Variants in FEZ1 observed in about 807,000 individuals in gnomAD.
The protein encoded by FEZ1 is fasciculation and elongation protein zeta 1.
In FEZ1, 20 loss-of-function variants were observed where a neutral mutation model predicts 49.3. The ratio of observed to expected loss-of-function variants is 0.41; its 90% CI spans 0.29 to 0.59. FEZ1 has a LOEUF of 0.59. Among genes scored for constraint, FEZ1 ranks in the 20% least tolerant of loss-of-function variants. The pLI, the probability that FEZ1 is intolerant of heterozygous loss-of-function variation, is 0.36. For missense variants in FEZ1, 413 were observed against 476.0 expected (o/e 0.87, Z 1.23); for synonymous variants, 170 against 180.9 (o/e 0.94, Z 0.48).
chr11:125,469,793 T>C (rs1036139564), intron 3 of FEZ1, among the ~76,000 whole-genome samples: 1 of 151,394 alleles, frequency 6.6e-6, no homozygotes, highest in Admixed American at 6.6e-5. Context: ...GCCAGGCTGG[T>C]ATTGAAAATT....
chr11:125,449,503 T>C (rs1211448993), intron 8 of FEZ1, among the ~76,000 whole-genome samples: 1 of 144,484 alleles, frequency 6.9e-6, no homozygotes. Flanking sequence ...TAGTTATCAG[T>C]GAAGAAAGGT....
At chr11:125,488,418 C>T (rs1341748461) in intron 2 of FEZ1, among the ~76,000 whole-genome samples, 6 of 152,214 alleles carry the variant, frequency 3.9e-5, no homozygotes, top group East Asian at 3.9e-4. Flanking sequence ...TGGTGACTCA[C>T]GCCTGTAATC....
intron 5 of FEZ1, among the ~76,000 whole-genome samples, chr11:125,458,539 G>A (rs184706969): frequency 2.6e-5 from 4 of 152,240 alleles, no homozygotes; most frequent in African/African-American, 7.2e-5. Flanking sequence ...TTTTAAATGA[G>A]AGGCTTGATT....
chr11:125,447,399 C>G (rs1956908033), intron 9 of FEZ1, among the ~76,000 whole-genome samples: 1 of 152,178 alleles, frequency 6.6e-6, no homozygotes, highest in Admixed American at 6.6e-5. Flanking sequence ...CTATATACAT[C>G]AAAGAGATGT....
In FEZ1 at chr11:125,466,361, C is replaced by T. The variant is rs147397626; in HGVS notation, c.412-2791G>A. ...CAGGCATGATGGCACACCTGTAGTCCCAACTACTCAGGAGGCTGAGGTGGG... is the reference window on the plus strand; with the variant it reads ...CAGGCATGATGGCACACCTGTAGTCTCAACTACTCAGGAGGCTGAGGTGGG... On this transcript the variant is annotated intron_variant, in intron 3 of 9. Transcript: ENST00000278919. 6.1e-3 allele frequency among the ~76,000 whole-genome samples: 932 copies of T among 152,086 alleles called. 5 individuals are homozygous for T. The highest frequency in any genetic ancestry group is 0.021 in the African/African-American group (890 of 41,480).
chr11:125,468,830 T>C (rs1212097532), intron 3 of FEZ1, among the ~76,000 whole-genome samples: 1 of 152,038 alleles, frequency 6.6e-6, no homozygotes, highest in African/African-American at 2.4e-5. Flanking sequence ...GTAAGGAAGA[T>C]TTGCTGGTAT....
intron 5 of FEZ1, among the ~76,000 whole-genome samples, chr11:125,458,845 G>T (rs374701968): frequency 2.0e-5 from 3 of 152,158 alleles, no homozygotes. Context: ...GAGGCAGTCG[G>T]ATCACGAGGT....
chr11:125,467,580 G>A (rs1469118761), intron 3 of FEZ1, among the ~76,000 whole-genome samples: 1 of 152,228 alleles, frequency 6.6e-6, no homozygotes, highest in Non-Finnish European at 1.5e-5. Context: ...ACTGGGCATG[G>A]TGTCTCATGC....
intron 3 of FEZ1, among the ~76,000 whole-genome samples, chr11:125,472,943 ACAAT>A (rs1021141292): frequency 4.9e-4 from 74 of 152,320 alleles, no homozygotes; most frequent in Middle Eastern, 3.4e-3. Flanking sequence ...TAGATTCTAC[ACAAT>A]CAAAGTCAAA....
At position 125,495,519 on chromosome 11, in the gene FEZ1, C is replaced by A; in HGVS notation, c.-46+602G>T. On this transcript the variant is annotated intron_variant, in intron 1 of 9. Coordinates refer to ENST00000278919, the MANE Select transcript of FEZ1 (RefSeq NM_005103.5). This position sits in a 1 kb window ranked among gnomAD's most constrained non-coding sequence, Gnocchi z 4.2. ...GTCTGTAGTAAAACAATCGCTCTCC[C>A]GGCGTCTGCGGCCGCTGCCAGCGGT... 2.1e-6 allele frequency: 1 copy of A among 471,138 alleles called. No individual in the cohort carries two copies. Among genetic ancestry groups the A allele is most frequent in the Non-Finnish European group, 4.4e-6 (1 of 227,046 alleles). 29.2% of individuals were successfully genotyped at this position (471,138 alleles called of 1,614,324 possible).
chr11:125,493,421 AGAAG>A (rs372296223), intron 1 of FEZ1, among the ~76,000 whole-genome samples: 1,492 of 35,812 alleles, frequency 0.042, 15 homozygotes, highest in African/African-American at 0.07. Flanking sequence ...AAAGAAAGAA[AGAAG>A]GAAAGAAGGA....
chr11:125,476,169 T>G (rs1957230801), intron 3 of FEZ1, among the ~76,000 whole-genome samples: 1 of 152,180 alleles, frequency 6.6e-6, no homozygotes, highest in South Asian at 2.1e-4. Context: ...GGATGAGGAA[T>G]ATGTTGAATA....
rs980665118 is a variant in FEZ1, at chr11:125,444,197, T to C, written c.*1898A>G. Among the ~76,000 whole-genome samples, 5 of 152,208 alleles carry C rather than the reference T, an allele frequency of 3.3e-5. No homozygotes were observed. Among genetic ancestry groups the C allele is most frequent in the Admixed American group, 6.5e-5 (1 of 15,276 alleles). ...ATGGAGAAGCTCTGCTCTGGGCAGATGCCTGGACTAGAGCTTTAGGCATTG... is the reference window on the plus strand; with the variant it reads ...ATGGAGAAGCTCTGCTCTGGGCAGACGCCTGGACTAGAGCTTTAGGCATTG... On this transcript the variant is annotated 3_prime_UTR_variant, in exon 10 of 10. Transcript: ENST00000278919.
intron 3 of FEZ1, among the ~76,000 whole-genome samples, chr11:125,465,586 C>T (rs371809271): frequency 6.6e-6 from 1 of 152,214 alleles, no homozygotes; most frequent in Non-Finnish European, 1.5e-5. Context: ...AGTTCCTACT[C>T]TTATGGGAAC....
intron 2 of FEZ1, among the ~76,000 whole-genome samples, chr11:125,483,240 G>T (rs540561326): frequency 6.6e-6 from 1 of 152,010 alleles, no homozygotes; most frequent in African/African-American, 2.4e-5. Flanking sequence ...GGAATGCGAC[G>T]TGATATATGG....
rs1957364878 is a variant in FEZ1, at chr11:125,489,805, C to T, written c.-28G>A. ...TTGCTCAGCAGGAGAACAACAGCGACTTTCAGGATGAGTTTATCTAAAAGA... is the reference window on the plus strand; with the variant it reads ...TTGCTCAGCAGGAGAACAACAGCGATTTTCAGGATGAGTTTATCTAAAAGA... On this transcript the variant is annotated 5_prime_UTR_variant, in exon 2 of 10. Transcript: ENST00000278919. This position sits in a 1 kb window ranked among gnomAD's most constrained non-coding sequence, Gnocchi z 4.2. 6.6e-7 allele frequency: 1 copy of T among 1,517,016 alleles called. No individual in the cohort carries two copies. 94.0% of individuals were successfully genotyped at this position (1,517,016 alleles called of 1,614,324 possible).
chr11:125,453,908 T>C (rs1171773146), intron 7 of FEZ1: 2 of 389,780 alleles, frequency 5.1e-6, no homozygotes, highest in East Asian at 7.8e-5. Context: ...GTCTTGCCCA[T>C]GTCCTAGAAC....
chr11:125,452,353 G>T lies in FEZ1; in HGVS notation c.1077C>A (p.Asp359Glu), dbSNP rs758831644. The T allele has an allele frequency of 2.5e-6, 4 of 1,611,868 alleles. No individual in the cohort carries two copies. The highest frequency in any genetic ancestry group is 3.4e-6 in the Non-Finnish European group (4 of 1,177,880). Residue 359 changes from aspartate (D) to glutamate (E), a missense_variant, in exon 8 of 10, where the codon GAC (aspartate) becomes GAA (glutamate). Coordinates refer to ENST00000278919, the MANE Select transcript of FEZ1 (RefSeq NM_005103.5). ...EKKASPPSVE[D>E]LQMLTNILFA... ...ACTCACTGTTTGTCAGCATCTGCAG[G>T]TCTTCCACTGAGGGAGGAGAGGCTT... is the stretch of plus-strand genomic sequence containing the variant.
Position 125,444,260 on chromosome 11 carries a change from T to C in FEZ1, c.*1835A>G, listed in dbSNP as rs762412970. 4.6e-5 allele frequency among the ~76,000 whole-genome samples: 7 copies of C among 152,180 alleles called. No individual in the cohort carries two copies. Among genetic ancestry groups the C allele is most frequent in the Non-Finnish European group, 7.4e-5 (5 of 68,024 alleles). On this transcript the variant is annotated 3_prime_UTR_variant, in exon 10 of 10. Transcript: ENST00000278919. The stretch of plus-strand genomic sequence containing the variant: ...TGGGGGGATAAGTCTCCGCCACCCC[T>C]AGCTAAGATTGCTAGTGTTCTGCTT...
Sources: gnomAD v4.1 joint callset for allele counts (sites outside exome capture counted in the v4.1 genomes callset) on GRCh38, gnomAD v4.1.1 for gene constraint, Gnocchi (gnomAD v3.1) non-coding constraint, MANE v1.5 for transcripts, NCBI Gene and HGNC (gene_info 2026-07-23, HGNC 2026-07-21) for gene names.